Variants in BTG4 observed in about 807,000 individuals in gnomAD.
The protein encoded by BTG4 is BTG anti-proliferation factor 4, also known as protein BTG4.
BTG4 carries 10 observed loss-of-function variants against 19.3 expected under a neutral mutation model. The observed-to-expected ratio is 0.52, with a 90% CI of 0.32 to 0.88. BTG4 has a LOEUF of 0.88. Among genes scored for constraint, BTG4 ranks in the 40% least tolerant of loss-of-function variants. The pLI, the probability that BTG4 is intolerant of heterozygous loss-of-function variation, is 0.04. For synonymous variants in BTG4, 91 were observed against 95.7 expected (o/e 0.95, Z 0.29); for missense variants, 238 against 281.9 (o/e 0.84, Z 1.11).
the BTG4 span, chr11:111,404,783 A>G: frequency 1.2e-5 from 5 of 410,850 alleles, no homozygotes; most frequent in Non-Finnish European, 2.4e-5. Flanking sequence ...CTTTGATATA[A>G]AGACCAGGAA....
At chr11:111,512,485 C>G (rs1412853041), upstream of BTG4, 1 of 152,262 alleles carries the variant, frequency 6.6e-6, no homozygotes, top group Non-Finnish European at 1.5e-5. Flanking sequence ...GCCACAGTCA[C>G]TCGGCCGCTC....
the BTG4 span, chr11:111,454,285 A>C: frequency 2.2e-6 from 1 of 456,514 alleles, no homozygotes; most frequent in Non-Finnish European, 4.4e-6. Flanking sequence ...GGTTTGACAC[A>C]GAGGCCTTCT....
intron 4 of BTG4, 122 bp downstream of exon 4, chr11:111,497,089 C>T (rs1342307256): frequency 1.0e-6 from 1 of 986,366 alleles, no homozygotes. Flanking sequence ...AAGAGTCTGG[C>T]TTTTAAAAAT....
intron 5 of BTG4, among the ~76,000 whole-genome samples, chr11:111,471,486 AT>A (rs904322087): frequency 6.6e-6 from 1 of 151,806 alleles, no homozygotes; most frequent in Non-Finnish European, 1.5e-5. Context: ...TCCTTGACAT[AT>A]TTTTTTCATT....
the BTG4 span, among the ~76,000 whole-genome samples, chr11:111,394,574 A>G: frequency 1.3e-5 from 2 of 152,202 alleles, no homozygotes; most frequent in Non-Finnish European, 2.9e-5. Context: ...TTTCTTTATA[A>G]GATACCCAGT....
downstream of BTG4, chr11:111,466,948 G>A (rs1001618466): frequency 2.0e-5 from 3 of 152,618 alleles, no homozygotes; most frequent in Admixed American, 2.0e-4. Flanking sequence ...AGAAGGTCAG[G>A]GTAGCCAGGA....
intron 5 of BTG4, among the ~76,000 whole-genome samples, chr11:111,487,225 T>C (rs146902964): frequency 0.027 from 4,068 of 152,344 alleles, 93 homozygotes; most frequent in Middle Eastern, 0.088. Context: ...CTATCATTGA[T>C]GGGCATTTAG....
the BTG4 span, among the ~76,000 whole-genome samples, chr11:111,441,784 C>T: frequency 1.3e-5 from 2 of 152,192 alleles, no homozygotes; most frequent in Non-Finnish European, 2.9e-5. Flanking sequence ...TTGGGCCGGG[C>T]ATGGTGGCTC....
At chr11:111,499,717 A>C (rs1454933143) in intron 1 of BTG4, among the ~76,000 whole-genome samples, 1 of 152,172 alleles carries the variant, frequency 6.6e-6, no homozygotes, top group Non-Finnish European at 1.5e-5. Context: ...CATTATGTTG[A>C]CTACACATTT....
chr11:111,463,206 C>T (rs1434709585), downstream of BTG4: 1 of 152,628 alleles, frequency 6.6e-6, no homozygotes, highest in Non-Finnish European at 1.5e-5. Context: ...CTGAGGAGAT[C>T]TGTATTTCCA....
At chr11:111,504,327 C>T (rs1203623035) in intron 1 of BTG4, among the ~76,000 whole-genome samples, 1 of 151,938 alleles carries the variant, frequency 6.6e-6, no homozygotes, top group African/African-American at 2.4e-5. Flanking sequence ...ATTGCATTTC[C>T]CAAAACATTA....
the BTG4 span, among the ~76,000 whole-genome samples, chr11:111,419,562 A>G: frequency 3.3e-5 from 5 of 152,238 alleles, no homozygotes; most frequent in Non-Finnish European, 2.9e-5. Flanking sequence ...GGGAAATGAC[A>G]AGGATGGAGG....
downstream of BTG4, among the ~76,000 whole-genome samples, chr11:111,463,741 G>A (rs1863553402): frequency 6.6e-6 from 1 of 152,196 alleles, no homozygotes; most frequent in African/African-American, 2.4e-5. Context: ...GTGCAGCTTA[G>A]CTGGGTACCT....
At chr11:111,470,260 T>C (rs1863983191) in intron 5 of BTG4, among the ~76,000 whole-genome samples, 5 of 152,146 alleles carry the variant, frequency 3.3e-5, no homozygotes. Context: ...TTTTCATAAT[T>C]TTTTGTAGAG....
intron 5 of BTG4, among the ~76,000 whole-genome samples, chr11:111,486,529 C>T (rs899489271): frequency 2.6e-5 from 4 of 152,152 alleles, no homozygotes; most frequent in African/African-American, 9.7e-5. Context: ...CTTCCAAACC[C>T]ATACTATGAG....
At chr11:111,406,217 T>C in the BTG4 span, among the ~76,000 whole-genome samples, 1 of 152,240 alleles carries the variant, frequency 6.6e-6, no homozygotes, top group Non-Finnish European at 1.5e-5. Flanking sequence ...GCTCAAGTGA[T>C]CATTCTCCCA....
the BTG4 span, chr11:111,455,136 A>G: frequency 2.3e-6 from 1 of 443,656 alleles, no homozygotes; most frequent in Non-Finnish European, 4.6e-6. Flanking sequence ...CCCAAACACA[A>G]CTCCCTCCCC....
At chr11:111,477,517 A>G (rs1465682805) in intron 5 of BTG4, among the ~76,000 whole-genome samples, 1 of 152,100 alleles carries the variant, frequency 6.6e-6, no homozygotes, top group East Asian at 1.9e-4. Flanking sequence ...GGAAGATGGG[A>G]TAGGTGTTTT....
chr11:111,442,993 C>T, the BTG4 span, among the ~76,000 whole-genome samples: 4 of 152,188 alleles, frequency 2.6e-5, no homozygotes, highest in Non-Finnish European at 5.9e-5. Context: ...AGAGTAACCT[C>T]TACAGTGGAG....
Sources: gnomAD v4.1 joint callset for allele counts (sites outside exome capture counted in the v4.1 genomes callset) on GRCh38, gnomAD v4.1.1 for gene constraint, MANE v1.5 for transcripts, NCBI Gene and HGNC (gene_info 2026-07-23, HGNC 2026-07-21) for gene names.